The following AATK variants were observed in gnomAD, a reference collection of about 807,000 sequenced individuals.
AATK encodes the protein lemur tail kinase 1.
In AATK, 91 loss-of-function variants were observed where a neutral mutation model predicts 114.3. That is an observed-to-expected ratio of 0.80 (90% CI 0.67 to 0.95). The LOEUF (loss-of-function observed/expected upper bound fraction) is 0.95, where lower values mean the gene tolerates loss of function less well. Ranked by LOEUF, AATK falls within the 40% of genes least tolerant of loss-of-function variation. The pLI is 0.00. For synonymous variants in AATK, 1,075 were observed against 916.5 expected, an observed-to-expected ratio of 1.17 and a Z score of -3.12; for missense variants, 2,176 against 1,965.2, an observed-to-expected ratio of 1.11 and a Z score of -2.03.
At chr17:81,150,371 G>A (rs2061279270) in intron 1 of AATK, among the ~76,000 whole-genome samples, 1 of 87,280 alleles carries the variant, frequency 1.1e-5, no homozygotes, top group Non-Finnish European at 2.2e-5. Context: ...CCCAATCCTA[G>A]GACTCCCCCA....
rs1453821155 is a variant in AATK, at chr17:81,121,210, G to A, written c.2726C>T (p.Pro909Leu). 24 of 1,604,248 alleles carry A rather than the reference G, an allele frequency of 1.5e-5. No homozygotes were observed. The highest frequency in any genetic ancestry group is 1.7e-5 in the Non-Finnish European group (20 of 1,175,940). ...TPDSLDSLDI[P>L]SSASDGGYEV... Reference sequence around the variant, plus strand: ...ATAGCCACCATCACTGGCTGAGGACGGGATGTCCAGGGAGTCCAGGGAGTC... The same window carrying A: ...ATAGCCACCATCACTGGCTGAGGACAGGATGTCCAGGGAGTCCAGGGAGTC... Residue 909 changes from proline to leucine, a missense_variant, in exon 11 of 14, where the codon CCG (proline) becomes CTG (leucine). Around this residue, in one of 4 missense-constraint regions of AATK, gnomAD observed 1,701 missense variants for 1,394.7 expected, o/e 1.22. Coordinates refer to ENST00000326724, the MANE Select transcript of AATK (RefSeq NM_001080395.3).
At chr17:81,165,559 G>T in intron 1 of AATK, 1 of 1,101,880 alleles carries the variant, frequency 9.1e-7, no homozygotes, top group Non-Finnish European at 1.2e-6. Context: ...CCGGACCCAG[G>T]AGAGGCCATG....
chr17:81,132,577 ACCCATC>A (rs1227202415), intron 2 of AATK: 1 of 193,334 alleles, frequency 5.2e-6, no homozygotes, highest in Non-Finnish European at 1.1e-5. Context: ...GCCTGGCCCC[ACCCATC>A]TGGGCTTTGT....
intron 1 of AATK, among the ~76,000 whole-genome samples, chr17:81,145,709 G>A (rs1409889561): frequency 7.7e-4 from 103 of 133,942 alleles, no homozygotes; most frequent in Non-Finnish European, 7.9e-4. Context: ...CTCCAGCCTT[G>A]GCAACGAGAG....
In AATK at chr17:81,126,400, C is replaced by CG; in HGVS notation, c.755+26dup. On this transcript the variant is annotated intron_variant, in intron 7 of 13. Transcript: ENST00000326724. The surrounding 1 kb of genome is among the most constrained non-coding windows in gnomAD (Gnocchi z 5.1). ...GGGAGGGGCCTGGCCTAGGGCTTCC[C>CG]GGCCGCTGGCCCGCGCCCGCCCTCA... is the stretch of plus-strand genomic sequence containing the variant. 1 of 1,543,798 alleles carries CG rather than the reference C, an allele frequency of 6.5e-7. No homozygotes were observed. The highest frequency in any genetic ancestry group is 8.8e-7 in the Non-Finnish European group (1 of 1,141,956).
Position 81,122,644 on chromosome 17 carries a change from GCCGCACCGGGCCCGGGCCCCA to G in AATK, c.1271_1291del (p.Val424_Ala430del). 6.9e-7 allele frequency: 1 copy of G among 1,458,380 alleles called. No homozygotes were observed. The allele number at this position is 1,458,380 out of a possible 1,614,324, so 90.3% of individuals were successfully genotyped here. A position where few individuals can be genotyped will look rare whatever the true frequency, so the allele number is the denominator to read the frequency against. On this transcript the variant is annotated inframe_deletion, in exon 11 of 14. Transcript: ENST00000326724. ...CACCACGCCGCCCAGCATGGGCCCCGCCGCACCGGGCCCGGGCCCCACGCCGCCCCCGCCGGGCCGCAGAGA... is the reference window on the plus strand; with the variant it reads ...CACCACGCCGCCCAGCATGGGCCCCGCGCCGCCCCCGCCGGGCCGCAGAGA...
intron 1 of AATK, among the ~76,000 whole-genome samples, chr17:81,138,825 AGC>A (rs2061075282): frequency 1.4e-5 from 2 of 145,418 alleles, no homozygotes; most frequent in African/African-American, 2.6e-5. Flanking sequence ...CACCCACGTG[AGC>A]GCACACACAC....
chr17:81,133,638 A>G (rs1246816418), intron 2 of AATK, among the ~76,000 whole-genome samples: 3 of 151,982 alleles, frequency 2.0e-5, no homozygotes, highest in Non-Finnish European at 2.9e-5. Flanking sequence ...TGGGAGGGGG[A>G]GGCGATGCTG....
rs552296334 is a variant in AATK at position 81,130,751 on chromosome 17, CCT to C, written c.334+308_334+309del. Among the ~76,000 whole-genome samples, 9 of 152,308 alleles carry C rather than the reference CCT, an allele frequency of 5.9e-5. No homozygotes were observed. In the South Asian group the frequency reaches 1.0e-3, roughly 18 times the overall value. ...TGCCCACCCCTGCCCCGTGCCCACC[CCT>C]GTCCCTGTGCATAGCAGCCCCTTGG... On this transcript the variant is annotated intron_variant, in intron 3 of 13. Coordinates refer to ENST00000326724, the MANE Select transcript of AATK (RefSeq NM_001080395.3).
chr17:81,138,884 C>G (rs551979716), intron 1 of AATK, among the ~76,000 whole-genome samples: 15 of 151,992 alleles, frequency 9.9e-5, no homozygotes, highest in African/African-American at 3.4e-4. Context: ...CATACCCATA[C>G]ACGCACACAC....
At chr17:81,145,259 AAAAG>A (rs2061200771) in intron 1 of AATK, among the ~76,000 whole-genome samples, 1 of 30,168 alleles carries the variant, frequency 3.3e-5, no homozygotes, top group East Asian at 5.3e-4. Context: ...AAGAAAAAGA[AAAAG>A]AAAAAAGAAA....
Position 81,131,220 on chromosome 17 carries a change from G to T in AATK, c.190-15C>A. 6.4e-7 allele frequency: 1 copy of T among 1,560,734 alleles called. No homozygotes were observed. The highest frequency in any genetic ancestry group is 2.3e-5 in the East Asian group (1 of 42,732). ...TTCTCAAACTCCTGCGGGCCGGGCC[G>T]GGCATGAGCGGGGCTTCTCGCAGGT... is the stretch of plus-strand genomic sequence containing the variant. On this transcript the variant is annotated splice_polypyrimidine_tract_variant and intron_variant, in intron 2 of 13. Coordinates refer to ENST00000326724, the MANE Select transcript of AATK (RefSeq NM_001080395.3).
At chr17:81,165,606 C>T (rs1035312894) in intron 1 of AATK, 28 of 1,406,052 alleles carry the variant, frequency 2.0e-5, no homozygotes, top group Non-Finnish European at 2.2e-5. Context: ...ACCCCCCACA[C>T]CCCCAAGGGC....
At position 81,117,342 on chromosome 17, in the gene AATK, A is replaced by AACAT. The variant is rs1451651326; in HGVS notation, c.*1056_*1059dup. ...TCTCTTAAAAAACAAGGAACAAGAA[A>AACAT]ACATTGCACCAGCGTTCTAAGCCTC... On this transcript the variant is annotated 3_prime_UTR_variant, in exon 14 of 14. Coordinates refer to ENST00000326724, the MANE Select transcript of AATK (RefSeq NM_001080395.3). 2 of 152,434 alleles carry AACAT rather than the reference A, an allele frequency of 1.3e-5. No homozygotes were observed. Among genetic ancestry groups the AACAT allele is most frequent in the East Asian group, 3.9e-4 (2 of 5,194 alleles). The allele number at this position is 152,434 out of a possible 1,614,324, so 9.4% of individuals were successfully genotyped here.
intron 1 of AATK, among the ~76,000 whole-genome samples, chr17:81,156,705 T>C (rs1306125124): frequency 6.6e-6 from 1 of 152,224 alleles, no homozygotes; most frequent in Non-Finnish European, 1.5e-5. Context: ...ACTAAATGTC[T>C]TCTAAAGAAT....
Position 81,126,418 on chromosome 17 carries a change from C to G in AATK, c.755+9G>C, listed in dbSNP as rs531935985. The stretch of plus-strand genomic sequence containing the variant: ...GGCTTCCCGGCCGCTGGCCCGCGCC[C>G]GCCCTCACCTGTGCACGAAATTGTT... On this transcript the variant is annotated intron_variant, in intron 7 of 13. Coordinates refer to ENST00000326724, the MANE Select transcript of AATK (RefSeq NM_001080395.3). The surrounding 1 kb of genome is among the most constrained non-coding windows in gnomAD (Gnocchi z 5.1). 4 of 1,555,562 alleles carry G rather than the reference C, an allele frequency of 2.6e-6. No individual in the cohort carries two copies. Among genetic ancestry groups the G allele is most frequent in the African/African-American group, 2.7e-5 (2 of 73,490 alleles).
At position 81,120,725 on chromosome 17, in the gene AATK, T is replaced by TG; in HGVS notation, c.3210dup (p.Thr1071HisfsTer46). On this transcript the variant is annotated frameshift_variant, in exon 11 of 14. Coordinates refer to ENST00000326724, the MANE Select transcript of AATK (RefSeq NM_001080395.3). LOFTEE classifies it high-confidence loss of function. ...TCTGGGACCAGGCCCGAGGGGCAGG[T>TG]GCTGGGCTCTGGGGAGGACCCTTCA... is the stretch of plus-strand genomic sequence containing the variant. 6.4e-7 allele frequency: 1 copy of TG among 1,561,118 alleles called. No homozygotes were observed. Among genetic ancestry groups the TG allele is most frequent in the Non-Finnish European group, 8.7e-7 (1 of 1,152,254 alleles).
In AATK at chr17:81,120,714, C is replaced by T. The variant is rs752670778; in HGVS notation, c.3222G>A (p.Ser1074=). ...GSSPEPSTCP[S]GLVPEPPEPQ... is the part of the protein sequence containing the mutation. ...GCTCCGGAGGCTCTGGGACCAGGCC[C>T]GAGGGGCAGGTGCTGGGCTCTGGGG... Residue 1074 remains serine (S), a synonymous_variant, in exon 11 of 14, where the codon TCG becomes TCA. Transcript: ENST00000326724. 7.1e-6 allele frequency: 11 copies of T among 1,546,890 alleles called. No homozygotes were observed. The highest frequency in any genetic ancestry group is 4.7e-5 in the East Asian group (2 of 43,004).
At chr17:81,131,017 G>A in intron 3 of AATK, 44 bp downstream of exon 3, 1 of 1,535,404 alleles carries the variant, frequency 6.5e-7, no homozygotes, top group Non-Finnish European at 8.7e-7. Flanking sequence ...CCCAGCACCT[G>A]GGCCCCGGAG....
Sources: gnomAD v4.1 joint callset for allele counts (sites outside exome capture counted in the v4.1 genomes callset) on GRCh38, gnomAD v4.1.1 for gene constraint, gnomAD v4.1.1 regional missense constraint, Gnocchi (gnomAD v3.1) non-coding constraint, MANE v1.5 for transcripts, NCBI Gene and HGNC (gene_info 2026-07-23, HGNC 2026-07-21) for gene names.